The following POU2F1 variants were observed in gnomAD, a reference collection of about 807,000 sequenced individuals.
The protein encoded by POU2F1 is POU class 2 homeobox 1.
POU2F1 carries 16 observed loss-of-function variants against 84.9 expected under a neutral mutation model. That is an observed-to-expected ratio of 0.19 (90% CI 0.13 to 0.29). POU2F1 has a LOEUF of 0.29. Ranked by LOEUF, POU2F1 falls within the 10% of genes least tolerant of loss-of-function variation. The pLI is 1.00. For synonymous variants in POU2F1, 368 were observed against 368.3 expected (o/e 1.00, Z 0.01); for missense variants, 738 against 942.6 (o/e 0.78, Z 2.84).
At chr1:167,239,521 T>C (rs1484627791) in intron 1 of POU2F1, among the ~76,000 whole-genome samples, 2 of 152,206 alleles carry the variant, frequency 1.3e-5, no homozygotes, top group African/African-American at 4.8e-5. Flanking sequence ...CTTTAGTGGC[T>C]TAATGGTTGT....
chr1:167,258,695 T>C (rs1055224771), intron 1 of POU2F1, among the ~76,000 whole-genome samples: 1 of 152,242 alleles, frequency 6.6e-6, no homozygotes, highest in Non-Finnish European at 1.5e-5. Context: ...ATGGATACTA[T>C]GTAGATACTT....
In POU2F1 at chr1:167,398,031, T is replaced by A. The variant is rs769818654; in HGVS notation, c.1167T>A (p.Ser389Arg). The A allele has an allele frequency of 1.9e-6, 3 of 1,613,962 alleles. No homozygotes were observed. In the South Asian group the frequency reaches 3.3e-5, roughly 18 times the overall value. Residue 389 changes from serine (S) to arginine (R), a missense_variant, in exon 11 of 16, where the codon AGT (serine) becomes AGA (arginine). Ser to Arg is a moderately radical substitution (Grantham distance 110, BLOSUM62 -1). This residue lies in a region of POU2F1 where 95 missense variants were observed against 195.1 expected (regional missense o/e 0.49). Coordinates refer to ENST00000367866, the MANE Select transcript of POU2F1 (RefSeq NM_002697.4). ...CTGATTCGTCCCTCTCCAGCCCAAG[T>A]GCCCTGAATTCTCCAGGAATTGAGG... Reference protein sequence around the residue: ...LSSDSSLSSPSALNSPGIEGL... With the variant: ...LSSDSSLSSPRALNSPGIEGL...
intron 1 of POU2F1, among the ~76,000 whole-genome samples, chr1:167,299,346 GTGT>G (rs1449835173): frequency 6.6e-6 from 1 of 152,096 alleles, no homozygotes; most frequent in Non-Finnish European, 1.5e-5. Flanking sequence ...CTTACAAGTA[GTGT>G]TGTTAAAATG....
intron 1 of POU2F1, among the ~76,000 whole-genome samples, chr1:167,235,388 G>A (rs998293670): frequency 6.6e-6 from 1 of 152,160 alleles, no homozygotes; most frequent in African/African-American, 2.4e-5. Flanking sequence ...TGAGAGACAT[G>A]TTCAACATCA....
intron 1 of POU2F1, among the ~76,000 whole-genome samples, chr1:167,231,880 G>C (rs1349288529): frequency 1.3e-5 from 2 of 152,262 alleles, no homozygotes; most frequent in African/African-American, 4.8e-5. Flanking sequence ...AGTGAGAAGT[G>C]GAATTGAAAA....
At chr1:167,319,236 C>T (rs1656140479) in intron 1 of POU2F1, among the ~76,000 whole-genome samples, 1 of 152,120 alleles carries the variant, frequency 6.6e-6, no homozygotes, top group Non-Finnish European at 1.5e-5. Context: ...TGGTTTTGGC[C>T]TGGAGAAACA....
intron 11 of POU2F1, among the ~76,000 whole-genome samples, chr1:167,398,424 GTACTT>G (rs1340215429): frequency 2.6e-5 from 4 of 152,164 alleles, no homozygotes; most frequent in Admixed American, 1.3e-4. Flanking sequence ...TGGGGGGAAA[GTACTT>G]TAAGCAGAGG....
chr1:167,243,156 A>C (rs956295600), intron 1 of POU2F1, among the ~76,000 whole-genome samples: 2 of 152,236 alleles, frequency 1.3e-5, no homozygotes, highest in African/African-American at 4.8e-5. Context: ...ATGGTAATTA[A>C]GAATACTGGC....
chr1:167,395,137 C>G (rs1337036416), intron 9 of POU2F1, among the ~76,000 whole-genome samples: 1 of 152,198 alleles, frequency 6.6e-6, no homozygotes. Flanking sequence ...AAGCAACTAT[C>G]TTACGCTTTT....
chr1:167,338,010 A>G (rs1017413488), intron 2 of POU2F1: 1 of 396,650 alleles, frequency 2.5e-6, no homozygotes, highest in African/African-American at 2.1e-5. Flanking sequence ...ACTAAAGCAC[A>G]TGGTGGAAGA....
At chr1:167,399,129 A>G in intron 11 of POU2F1, 57 bp from the exon 12 acceptor site, 1 of 1,501,120 alleles carries the variant, frequency 6.7e-7, no homozygotes, top group Non-Finnish European at 9.0e-7. Flanking sequence ...TTATGCCAGT[A>G]GTTCAAAAAG....
chr1:167,386,561 T>C (rs929956367), intron 8 of POU2F1, among the ~76,000 whole-genome samples: 12 of 152,204 alleles, frequency 7.9e-5, no homozygotes, highest in African/African-American at 2.7e-4. Flanking sequence ...AAAGCATACG[T>C]CCACACAAAG....
chr1:167,234,300 CAATT>C (rs1649289570), intron 1 of POU2F1, among the ~76,000 whole-genome samples: 1 of 152,176 alleles, frequency 6.6e-6, no homozygotes, highest in Non-Finnish European at 1.5e-5. Flanking sequence ...GAGACACAGA[CAATT>C]GATTATCAGA....
chr1:167,308,778 T>G (rs1655260190), intron 1 of POU2F1, among the ~76,000 whole-genome samples: 1 of 151,548 alleles, frequency 6.6e-6, no homozygotes, highest in Admixed American at 6.6e-5. Flanking sequence ...CTAGGCCTCC[T>G]AAAGTGCTGG....
chr1:167,315,505 G>A (rs946047306), intron 1 of POU2F1, among the ~76,000 whole-genome samples: 1 of 152,300 alleles, frequency 6.6e-6, no homozygotes, highest in African/African-American at 2.4e-5. Context: ...GCTGAGCATG[G>A]TGGCTCATGC....
chr1:167,286,436 T>C (rs1653533199), intron 1 of POU2F1, among the ~76,000 whole-genome samples: 1 of 152,234 alleles, frequency 6.6e-6, no homozygotes, highest in Non-Finnish European at 1.5e-5. Context: ...AAACCTCTGG[T>C]AGCCTTTATT....
At chr1:167,413,551 G>A (rs1192503438) in intron 15 of POU2F1, among the ~76,000 whole-genome samples, 2 of 152,222 alleles carry the variant, frequency 1.3e-5, no homozygotes, top group Non-Finnish European at 2.9e-5. Context: ...GGAAAGTCCT[G>A]TAATGAACAA....
At chr1:167,295,790 A>G (rs1654252150) in intron 1 of POU2F1, among the ~76,000 whole-genome samples, 1 of 152,208 alleles carries the variant, frequency 6.6e-6, no homozygotes. Context: ...TGAATGGGCC[A>G]TAGAAGGCCT....
intron 1 of POU2F1, among the ~76,000 whole-genome samples, chr1:167,312,096 G>A (rs1177478360): frequency 6.6e-6 from 1 of 151,608 alleles, no homozygotes; most frequent in Admixed American, 6.6e-5. Context: ...CACCACGCTC[G>A]GCTAATTTTT....
Sources: allele counts gnomAD v4.1 joint callset (sites outside exome capture counted in the v4.1 genomes callset), GRCh38; gene constraint gnomAD v4.1.1; regional missense constraint gnomAD v4.1.1; transcripts MANE v1.5; gene names NCBI Gene and HGNC (gene_info 2026-07-23, HGNC 2026-07-21).